The following PLCB1 variants were observed in gnomAD, a reference collection of about 807,000 sequenced individuals.
The protein encoded by PLCB1 is phospholipase C beta 1, also known as 1-phosphatidylinositol 4,5-bisphosphate phosphodiesterase beta-1.
Under a neutral mutation model 161.8 loss-of-function variants are expected in PLCB1, and 46 were observed. The observed-to-expected ratio is 0.28, with a 90% CI of 0.22 to 0.36. The LOEUF (loss-of-function observed/expected upper bound fraction) is 0.36, where lower values mean the gene tolerates loss of function less well. Among genes scored for constraint, PLCB1 ranks in the 10% least tolerant of loss-of-function variants. PLCB1 has a pLI of 1.00. For missense variants in PLCB1, 1,016 were observed against 1,472.5 expected, an observed-to-expected ratio of 0.69 and a Z score of 5.07; for synonymous variants, 517 against 503.7, an observed-to-expected ratio of 1.03 and a Z score of -0.35.
At chr20:8,329,062 A>G (rs1235978979) in intron 2 of PLCB1, among the ~76,000 whole-genome samples, 1 of 152,224 alleles carries the variant, frequency 6.6e-6, no homozygotes, top group African/African-American at 2.4e-5. Flanking sequence ...TCAATTGGTT[A>G]GTTTGAGGAG....
At chr20:8,787,105 A>G (rs1314421227) in intron 27 of PLCB1, among the ~76,000 whole-genome samples, 1 of 152,242 alleles carries the variant, frequency 6.6e-6, no homozygotes, top group Non-Finnish European at 1.5e-5. Flanking sequence ...TCCTTGTCAC[A>G]TGGCCACAAA....
At chr20:8,445,091 T>C (rs1980759588) in intron 3 of PLCB1, among the ~76,000 whole-genome samples, 1 of 152,198 alleles carries the variant, frequency 6.6e-6, no homozygotes, top group African/African-American at 2.4e-5. Context: ...TTGCCATTGC[T>C]TTTGGTGTTT....
At chr20:8,469,464 T>G (rs1374780914) in intron 3 of PLCB1, among the ~76,000 whole-genome samples, 2 of 152,274 alleles carry the variant, frequency 1.3e-5, no homozygotes, top group East Asian at 3.9e-4. Flanking sequence ...TTTTAGGGTG[T>G]TTTAACCATC....
At chr20:8,322,173 G>A (rs1229889418) in intron 2 of PLCB1, among the ~76,000 whole-genome samples, 1 of 151,946 alleles carries the variant, frequency 6.6e-6, no homozygotes, top group Non-Finnish European at 1.5e-5. Context: ...TCATTGTCTT[G>A]TATTCCTGCT....
intron 3 of PLCB1, among the ~76,000 whole-genome samples, chr20:8,558,695 G>T (rs1002073105): frequency 2.0e-5 from 3 of 151,838 alleles, no homozygotes; most frequent in African/African-American, 4.8e-5. Flanking sequence ...CAAGAGAGTT[G>T]CAATTAATCA....
At chr20:8,256,428 A>T (rs538561826) in intron 2 of PLCB1, among the ~76,000 whole-genome samples, 2 of 152,132 alleles carry the variant, frequency 1.3e-5, no homozygotes, top group South Asian at 4.2e-4. Context: ...TCCTCAACAG[A>T]CTAACTAGCC....
intron 25 of PLCB1, among the ~76,000 whole-genome samples, chr20:8,763,378 TTTTATTTA>T (rs535363380): frequency 4.0e-5 from 6 of 151,800 alleles, no homozygotes; most frequent in African/African-American, 7.2e-5. Flanking sequence ...ATTTTTGCAT[TTTTATTTA>T]TTTATTTATT....
At chr20:8,593,341 TTG>T (rs1987211167) in intron 3 of PLCB1, among the ~76,000 whole-genome samples, 1 of 151,694 alleles carries the variant, frequency 6.6e-6, no homozygotes, top group African/African-American at 2.4e-5. Context: ...CCCATCTAAT[TTG>T]TGTGTGCGCG....
intron 9 of PLCB1, among the ~76,000 whole-genome samples, chr20:8,681,806 A>T (rs777343521): frequency 1.3e-5 from 2 of 152,248 alleles, no homozygotes; most frequent in Non-Finnish European, 2.9e-5. Context: ...TGACCTAATC[A>T]GAACATAAGA....
intron 3 of PLCB1, among the ~76,000 whole-genome samples, chr20:8,408,507 G>A (rs1568664786): frequency 6.6e-6 from 1 of 150,886 alleles, no homozygotes; most frequent in Non-Finnish European, 1.5e-5. Flanking sequence ...TGAATTGGAA[G>A]TTTTTTTTAA....
intron 3 of PLCB1, among the ~76,000 whole-genome samples, chr20:8,446,360 C>T (rs914524661): frequency 1.3e-5 from 2 of 152,122 alleles, no homozygotes; most frequent in Non-Finnish European, 1.5e-5. Context: ...ATTCAACAAC[C>T]CTTTGTTTTA....
chr20:8,357,072 C>T (rs765937302), intron 2 of PLCB1, among the ~76,000 whole-genome samples: 16 of 152,142 alleles, frequency 1.1e-4, no homozygotes, highest in Non-Finnish European at 2.2e-4. Context: ...GATCTATCTT[C>T]TTGGGTGCTC....
At chr20:8,320,611 C>A (rs889005440) in intron 2 of PLCB1, among the ~76,000 whole-genome samples, 1 of 152,276 alleles carries the variant, frequency 6.6e-6, no homozygotes, top group Non-Finnish European at 1.5e-5. Flanking sequence ...TGAACCAACT[C>A]TCAGGAAAAC....
chr20:8,279,438 A>G (rs545109829), intron 2 of PLCB1, among the ~76,000 whole-genome samples: 2 of 152,224 alleles, frequency 1.3e-5, no homozygotes, highest in Non-Finnish European at 2.9e-5. Flanking sequence ...TGAGATTACA[A>G]GGGACTGGGG....
At chr20:8,695,944 G>T (rs995339290) in intron 10 of PLCB1, among the ~76,000 whole-genome samples, 1 of 152,046 alleles carries the variant, frequency 6.6e-6, no homozygotes, top group Non-Finnish European at 1.5e-5. Context: ...GACCTTTCAG[G>T]TGCCTTCATT....
intron 3 of PLCB1, among the ~76,000 whole-genome samples, chr20:8,481,941 ACTTTC>A (rs1343442117): frequency 5.4e-4 from 82 of 152,240 alleles, no homozygotes; most frequent in Non-Finnish European, 8.8e-4. Flanking sequence ...TATCATGATA[ACTTTC>A]AGGATTCGAA....
At chr20:8,368,855 C>T (rs1233147072) in intron 2 of PLCB1, among the ~76,000 whole-genome samples, 1 of 151,264 alleles carries the variant, frequency 6.6e-6, no homozygotes, top group Non-Finnish European at 1.5e-5. Context: ...CTCTCTGAAA[C>T]CACCACCCAC....
chr20:8,216,667 G>A (rs1600240113), intron 2 of PLCB1, among the ~76,000 whole-genome samples: 1 of 151,916 alleles, frequency 6.6e-6, no homozygotes, highest in African/African-American at 2.4e-5. Flanking sequence ...CCCTCAAAAA[G>A]GTCAGAGAAA....
At chr20:8,455,085 C>G (rs751967004) in intron 3 of PLCB1, among the ~76,000 whole-genome samples, 1 of 151,818 alleles carries the variant, frequency 6.6e-6, no homozygotes, top group Non-Finnish European at 1.5e-5. Context: ...GTAATCCTAG[C>G]ACTTTGGGAA....
Sources: allele counts gnomAD v4.1 joint callset (sites outside exome capture counted in the v4.1 genomes callset), GRCh38; gene constraint gnomAD v4.1.1; transcripts MANE v1.5; gene names NCBI Gene and HGNC (gene_info 2026-07-23, HGNC 2026-07-21).